The following SGCG variants were observed in gnomAD, a reference collection of about 807,000 sequenced individuals.
The protein encoded by SGCG is sarcoglycan gamma.
In SGCG, 26 loss-of-function variants were observed where a neutral mutation model predicts 29.3. That is an observed-to-expected ratio of 0.89 (90% CI 0.65 to 1.23). The LOEUF (loss-of-function observed/expected upper bound fraction) is 1.23, where lower values mean the gene tolerates loss of function less well. Among genes scored for constraint, SGCG ranks in the 50% most tolerant of loss-of-function variants. SGCG has a pLI of 0.00. For missense variants in SGCG, 353 were observed against 356.0 expected, an observed-to-expected ratio of 0.99 and a Z score of 0.07; for synonymous variants, 145 against 129.7, an observed-to-expected ratio of 1.12 and a Z score of -0.80.
chr13:23,203,659 C>T, intron 1 of SGCG, 36 bp from the exon 2 acceptor site: 1 of 1,547,236 alleles, frequency 6.5e-7, no homozygotes, highest in Non-Finnish European at 8.9e-7. Context: ...CTCTCTGTCT[C>T]TTTCTCTCTC....
At chr13:23,301,229 T>C (rs1259939227) in intron 6 of SGCG, among the ~76,000 whole-genome samples, 2 of 150,750 alleles carry the variant, frequency 1.3e-5, no homozygotes, top group African/African-American at 4.9e-5. Flanking sequence ...AGAACAAGTA[T>C]AAATAAAATG....
chr13:23,308,056 G>C (rs529786950), intron 6 of SGCG, among the ~76,000 whole-genome samples: 154 of 152,304 alleles, frequency 1.0e-3, no homozygotes, highest in African/African-American at 3.5e-3. Flanking sequence ...GCTGAAGATC[G>C]TGAATGCTTC....
the SGCG span, among the ~76,000 whole-genome samples, chr13:23,164,250 T>G: frequency 6.6e-6 from 1 of 152,228 alleles, no homozygotes; most frequent in Non-Finnish European, 1.5e-5. Context: ...ATTCTCCAGA[T>G]AGTTTAATTA....
At chr13:23,194,705 C>T (rs1877416048) in intron 1 of SGCG, among the ~76,000 whole-genome samples, 1 of 152,190 alleles carries the variant, frequency 6.6e-6, no homozygotes, top group African/African-American at 2.4e-5. Context: ...GGATTGATGA[C>T]ATACCCTGAT....
At position 23,281,306 on chromosome 13, in the gene SGCG, C is replaced by G. The variant is rs144155576; in HGVS notation, c.505+1828C>G. On this transcript the variant is annotated intron_variant, in intron 5 of 7. Coordinates refer to ENST00000218867, the MANE Select transcript of SGCG (RefSeq NM_000231.3). ...AGTGAGCAGAGATTGAGCCACTGCA[C>G]TCCAGCCTGGGCAACAGAGTGAGAC... 6.7e-3 allele frequency among the ~76,000 whole-genome samples: 1,012 copies of G among 151,800 alleles called. 13 individuals are homozygous for G. Among genetic ancestry groups the G allele is most frequent in the African/African-American group, 0.023 (932 of 41,338 alleles).
At chr13:23,169,119 A>G in the SGCG span, among the ~76,000 whole-genome samples, 1 of 151,758 alleles carries the variant, frequency 6.6e-6, no homozygotes. Flanking sequence ...TGCAAAACCT[A>G]GTAATCTTTC....
At chr13:23,168,773 A>C in the SGCG span, among the ~76,000 whole-genome samples, 1 of 152,214 alleles carries the variant, frequency 6.6e-6, no homozygotes, top group African/African-American at 2.4e-5. Flanking sequence ...CAATTATCTA[A>C]ATAAGGCATG....
intron 6 of SGCG, among the ~76,000 whole-genome samples, chr13:23,302,798 T>G (rs2137658704): frequency 6.6e-6 from 1 of 152,310 alleles, no homozygotes; most frequent in South Asian, 2.1e-4. Flanking sequence ...TATAGCTTAT[T>G]AATAGAAGGA....
intron 2 of SGCG, among the ~76,000 whole-genome samples, chr13:23,226,097 G>A: frequency 6.6e-6 from 1 of 152,060 alleles, no homozygotes; most frequent in Admixed American, 6.6e-5. Flanking sequence ...CCGCACTGGG[G>A]GATTTCAGTG....
intron 1 of SGCG, among the ~76,000 whole-genome samples, chr13:23,183,850 T>A (rs1242253097): frequency 1.3e-5 from 2 of 151,890 alleles, no homozygotes; most frequent in Non-Finnish European, 2.9e-5. Context: ...GTATTTTTAG[T>A]AGAGACGGAG....
intron 4 of SGCG, among the ~76,000 whole-genome samples, chr13:23,270,368 A>C (rs1344426555): frequency 1.3e-5 from 2 of 152,202 alleles, no homozygotes; most frequent in African/African-American, 4.8e-5. Flanking sequence ...AATTATTTCC[A>C]GTCTCACAGG....
the SGCG span, among the ~76,000 whole-genome samples, chr13:23,174,122 A>G: frequency 6.6e-6 from 1 of 152,172 alleles, no homozygotes; most frequent in Non-Finnish European, 1.5e-5. Context: ...ATAATTATTG[A>G]GGTTGCACTC....
intron 4 of SGCG, among the ~76,000 whole-genome samples, chr13:23,262,639 G>C (rs1373009195): frequency 1.3e-5 from 2 of 151,808 alleles, no homozygotes; most frequent in African/African-American, 4.8e-5. Context: ...GACTTAAACT[G>C]TACTCTAGAA....
intron 6 of SGCG, among the ~76,000 whole-genome samples, chr13:23,309,550 C>G (rs993033595): frequency 3.3e-5 from 5 of 152,154 alleles, no homozygotes; most frequent in Non-Finnish European, 7.3e-5. Flanking sequence ...CAAATGTTGG[C>G]TAGAAAGAGT....
chr13:23,244,247 C>T (rs1449290665), intron 3 of SGCG: 1 of 152,120 alleles, frequency 6.6e-6, no homozygotes, highest in Non-Finnish European at 1.5e-5. Context: ...ACAAAACCGC[C>T]GTATCAGGAT....
chr13:23,222,064 C>A (rs1878691863), intron 2 of SGCG, among the ~76,000 whole-genome samples: 1 of 152,166 alleles, frequency 6.6e-6, no homozygotes, highest in Non-Finnish European at 1.5e-5. Flanking sequence ...TTAAGTTTAG[C>A]CTAAATCTGC....
At chr13:23,241,394 A>C (rs781744156) in intron 3 of SGCG, among the ~76,000 whole-genome samples, 3 of 152,164 alleles carry the variant, frequency 2.0e-5, no homozygotes, top group Non-Finnish European at 4.4e-5. Flanking sequence ...ATTTGGATAC[A>C]TACAACCTTC....
intron 1 of SGCG, among the ~76,000 whole-genome samples, chr13:23,190,385 C>T (rs1333917419): frequency 6.6e-6 from 1 of 151,988 alleles, no homozygotes; most frequent in Non-Finnish European, 1.5e-5. Context: ...GCCTGGATTC[C>T]AAAACCATAA....
the SGCG span, among the ~76,000 whole-genome samples, chr13:23,175,888 G>T: frequency 1.3e-5 from 2 of 152,174 alleles, no homozygotes; most frequent in African/African-American, 2.4e-5. Context: ...CAAAGAATAT[G>T]AGTGAGAATC....
Sources: gnomAD v4.1 joint callset for allele counts (sites outside exome capture counted in the v4.1 genomes callset) on GRCh38, gnomAD v4.1.1 for gene constraint, MANE v1.5 for transcripts, NCBI Gene and HGNC (gene_info 2026-07-23, HGNC 2026-07-21) for gene names.